Variants in SPC25 observed in about 807,000 individuals in gnomAD.
SPC25 encodes the protein kinetochore protein Spc25.
Under a neutral mutation model 29.6 loss-of-function variants are expected in SPC25, and 22 were observed. The observed-to-expected ratio is 0.74, with a 90% CI of 0.53 to 1.06. SPC25 has a LOEUF of 1.06. Among genes scored for constraint, SPC25 ranks in the 50% least tolerant of loss-of-function variants. The pLI is 0.00. For missense variants in SPC25, 230 were observed against 255.8 expected, an observed-to-expected ratio of 0.90 and a Z score of 0.69; for synonymous variants, 91 against 90.4, an observed-to-expected ratio of 1.01 and a Z score of -0.04.
chr2:168,868,747 A>G (rs13399753), downstream of SPC25, among the ~76,000 whole-genome samples: 1 of 152,320 alleles, frequency 6.6e-6, no homozygotes, highest in East Asian at 1.9e-4. Context: ...CCAGGACCAG[A>G]TGGATTCACA....
intron 4 of SPC25, chr2:168,863,712 CA>C: frequency 1.1e-6 from 1 of 915,152 alleles, no homozygotes; most frequent in Non-Finnish European, 1.3e-6. Context: ...AGGGATAATG[CA>C]GAGACATTGT....
chr2:168,873,773 A>T, intron 5 of SPC25, 90 bp from the exon 6 acceptor site: 1 of 742,342 alleles, frequency 1.3e-6, no homozygotes, highest in Non-Finnish European at 2.3e-6. Context: ...TGCACTGCTA[A>T]GTATATACAG....
At chr2:168,863,934 A>G (rs564223619) in intron 4 of SPC25, among the ~76,000 whole-genome samples, 26 of 151,736 alleles carry the variant, frequency 1.7e-4, no homozygotes, top group African/African-American at 5.6e-4. Flanking sequence ...TTTTTGAGGC[A>G]GAGTCTTGCT....
intron 4 of SPC25, chr2:168,864,824 A>T: frequency 6.2e-7 from 1 of 1,613,616 alleles, no homozygotes; most frequent in Non-Finnish European, 8.5e-7. Flanking sequence ...GTCTAACTGT[A>T]TTTTCACAGG....
At chr2:168,878,727 C>T (rs1344664782) in intron 3 of SPC25, among the ~76,000 whole-genome samples, 1 of 152,142 alleles carries the variant, frequency 6.6e-6, no homozygotes, top group African/African-American at 2.4e-5. Flanking sequence ...GTGATTAATA[C>T]ATAGGTAAGA....
downstream of SPC25, among the ~76,000 whole-genome samples, chr2:168,869,254 G>T (rs1022053962): frequency 9.0e-4 from 137 of 152,144 alleles, no homozygotes; most frequent in Non-Finnish European, 1.6e-3. Flanking sequence ...AATATCATAT[G>T]GAATGGACAA....
intron 3 of SPC25, among the ~76,000 whole-genome samples, chr2:168,888,861 G>A (rs940520015): frequency 3.4e-5 from 5 of 145,700 alleles, no homozygotes; most frequent in Non-Finnish European, 7.5e-5. Flanking sequence ...TCCTGAGCTC[G>A]AGGGATCCAC....
intron 4 of SPC25, chr2:168,861,878 A>C (rs2105796609): frequency 1.6e-6 from 2 of 1,239,594 alleles, no homozygotes; most frequent in Non-Finnish European, 2.3e-6. Context: ...TCTGCATCAC[A>C]CTGTTAAATA....
At chr2:168,890,106 C>G (rs950461572) in intron 1 of SPC25, among the ~76,000 whole-genome samples, 2 of 152,152 alleles carry the variant, frequency 1.3e-5, no homozygotes, top group Non-Finnish European at 2.9e-5. Context: ...ACGCTAAAAC[C>G]TTCCCAGGAG....
chr2:168,866,149 G>A (rs1017697570), downstream of SPC25, among the ~76,000 whole-genome samples: 1 of 152,302 alleles, frequency 6.6e-6, no homozygotes, highest in Non-Finnish European at 1.5e-5. Context: ...AACCAAAAAA[G>A]AGCCCACATT....
rs968980167 is a variant in SPC25, at chr2:168,889,402, T to C, written c.118A>G (p.Ile40Val). 1 of 1,614,184 alleles carries C rather than the reference T, an allele frequency of 6.2e-7. No homozygotes were observed. The highest frequency in any genetic ancestry group is 8.5e-7 in the Non-Finnish European group (1 of 1,180,036). ...CACTAGGTACCTGCAAATGCTTTGA[T>C]GGAATCCTTGTAGGTATCTCTTAGT... is the stretch of plus-strand genomic sequence containing the variant. ...AGLRDTYKDS[I>V]KAFAEKLSVK... The change falls in exon 2 of 7, where the codon ATC becomes GTC. Residue 40 changes from isoleucine to valine, a missense_variant. By Grantham distance (29) the Ile-to-Val change is conservative. Coordinates refer to ENST00000282074, the MANE Select transcript of SPC25 (RefSeq NM_020675.4).
chr2:168,863,447 G>A, intron 4 of SPC25: 1 of 985,226 alleles, frequency 1.0e-6, no homozygotes, highest in Non-Finnish European at 1.2e-6. Context: ...CAAATAAAAA[G>A]TAGCTCTTGG....
Position 168,889,417 on chromosome 2 carries a change from T to C in SPC25, c.103A>G (p.Thr35Ala), listed in dbSNP as rs756606983. ...AATGCTTTGATGGAATCCTTGTAGGTATCTCTTAGTCCCGCCATCTGACAG... is the reference window on the plus strand; with the variant it reads ...AATGCTTTGATGGAATCCTTGTAGGCATCTCTTAGTCCCGCCATCTGACAG... The part of the protein sequence containing the change: ...TSCQMAGLRD[T>A]YKDSIKAFAE... Residue 35 changes from threonine to alanine, a missense_variant, in exon 2 of 7, where the codon ACC becomes GCC. Physicochemically the swap from Thr to Ala is moderately conservative, Grantham distance 58. Coordinates refer to ENST00000282074, the MANE Select transcript of SPC25 (RefSeq NM_020675.4). 1 of 1,614,154 alleles carries C rather than the reference T, an allele frequency of 6.2e-7. No individual in the cohort carries two copies. The highest frequency in any genetic ancestry group is 8.5e-7 in the Non-Finnish European group (1 of 1,180,030).
chr2:168,869,639 C>G (rs1689940617), downstream of SPC25, among the ~76,000 whole-genome samples: 1 of 152,104 alleles, frequency 6.6e-6, no homozygotes, highest in Admixed American at 6.6e-5. Context: ...ACCTAGGAAT[C>G]CAACTTACAA....
chr2:168,862,057 T>C, intron 4 of SPC25: 1 of 1,611,902 alleles, frequency 6.2e-7, no homozygotes, highest in Non-Finnish European at 8.5e-7. Flanking sequence ...AGGGTAAGAA[T>C]CATTCTCAAA....
rs117223439 is a variant in SPC25 at position 168,879,751 on chromosome 2, G to C, written c.200-2367C>G. Among the ~76,000 whole-genome samples, 735 of 152,106 alleles carry C rather than the reference G, an allele frequency of 4.8e-3. 8 individuals carry two copies. The East Asian group carries it at 0.053, about 11-fold the overall frequency. The stretch of plus-strand genomic sequence containing the variant: ...ATCTATCAGAGTTAATCACTATTTG[G>C]GTAGCTATAACCTTATTTCTTAAAT... On this transcript the variant is annotated intron_variant, in intron 3 of 6. Transcript: ENST00000282074.
intron 3 of SPC25, among the ~76,000 whole-genome samples, chr2:168,880,134 A>G (rs1185143825): frequency 6.6e-6 from 1 of 152,184 alleles, no homozygotes; most frequent in African/African-American, 2.4e-5. Context: ...TTAGTCACTA[A>G]AGAGTCAGCC....
chr2:168,862,430 G>A (rs1366469507), intron 4 of SPC25, among the ~76,000 whole-genome samples: 3 of 152,178 alleles, frequency 2.0e-5, no homozygotes, highest in African/African-American at 7.2e-5. Flanking sequence ...TAATCACAGT[G>A]CACACTAGGG....
downstream of SPC25, among the ~76,000 whole-genome samples, chr2:168,866,204 G>A (rs369074063): frequency 7.0e-3 from 1,069 of 151,896 alleles, no homozygotes; most frequent in East Asian, 0.04. Context: ...GAGGCATCAC[G>A]CTACCTGACT....
Sources: gnomAD v4.1 joint callset for allele counts (sites outside exome capture counted in the v4.1 genomes callset) on GRCh38, gnomAD v4.1.1 for gene constraint, MANE v1.5 for transcripts, NCBI Gene and HGNC (gene_info 2026-07-23, HGNC 2026-07-21) for gene names.